KCNMA1: variants seen among roughly 807,000 people sequenced by gnomAD.
KCNMA1 encodes the protein potassium calcium-activated channel subfamily M alpha 1.
Under a neutral mutation model 140.0 loss-of-function variants are expected in KCNMA1, and 29 were observed. The observed-to-expected ratio is 0.21, with a 90% confidence interval of 0.15 to 0.28. The LOEUF (loss-of-function observed/expected upper bound fraction) is 0.28. KCNMA1 is among the 10% of genes least tolerant of loss of function. The pLI is 1.00. For synonymous variants in KCNMA1, 612 were observed against 611.9 expected, an observed-to-expected ratio of 1.00 and a Z score of 0.00; for missense variants, 880 against 1,602.2, an observed-to-expected ratio of 0.55 and a Z score of 7.70.
chr10:77,265,266 G>A (rs1221349905), intron 2 of KCNMA1, among the ~76,000 whole-genome samples: 1 of 152,060 alleles, frequency 6.6e-6, no homozygotes, highest in Non-Finnish European at 1.5e-5. Context: ...TGGCCAAGCT[G>A]GTCTCAAACT....
chr10:77,115,435 G>A (rs1398121059), intron 6 of KCNMA1, among the ~76,000 whole-genome samples: 1 of 152,176 alleles, frequency 6.6e-6, no homozygotes, highest in Non-Finnish European at 1.5e-5. Flanking sequence ...ACATTGGAGG[G>A]TAAGAAATAG....
chr10:77,173,044 A>C (rs918832263), intron 5 of KCNMA1, among the ~76,000 whole-genome samples: 1 of 152,164 alleles, frequency 6.6e-6, no homozygotes, highest in Admixed American at 6.5e-5. Context: ...TTGGGATTTC[A>C]TTTCAACACA....
intron 1 of KCNMA1, among the ~76,000 whole-genome samples, chr10:77,460,536 C>A (rs535368203): frequency 6.8e-6 from 1 of 147,588 alleles, no homozygotes; most frequent in Non-Finnish European, 1.5e-5. Context: ...CACGTGCACA[C>A]ACACACACAC....
intron 2 of KCNMA1, among the ~76,000 whole-genome samples, chr10:77,389,144 G>A (rs1471797816): frequency 6.6e-6 from 1 of 152,118 alleles, no homozygotes; most frequent in East Asian, 1.9e-4. Context: ...TAACCTACAA[G>A]GAATTTTCAT....
chr10:77,415,435 C>G (rs985123321), intron 1 of KCNMA1, among the ~76,000 whole-genome samples: 1 of 152,188 alleles, frequency 6.6e-6, no homozygotes, highest in Admixed American at 6.5e-5. Flanking sequence ...GGAGACTCAG[C>G]TGCCAGTCTG....
At chr10:77,028,164 T>C (rs909055061) in intron 15 of KCNMA1, among the ~76,000 whole-genome samples, 16 of 152,270 alleles carry the variant, frequency 1.1e-4, no homozygotes, top group African/African-American at 3.8e-4. Flanking sequence ...CAGGAATTTG[T>C]GCCTGGGGAT....
At chr10:77,203,259 G>A (rs35436730) in intron 3 of KCNMA1, among the ~76,000 whole-genome samples, 23,206 of 152,180 alleles carry the variant, frequency 0.15, 2,200 homozygotes, top group Non-Finnish European at 0.2. Flanking sequence ...TTTTGTAACA[G>A]TGGAAGACAG....
intron 5 of KCNMA1, among the ~76,000 whole-genome samples, chr10:77,126,857 C>A (rs1018774848): frequency 1.3e-5 from 2 of 152,044 alleles, no homozygotes; most frequent in African/African-American, 4.8e-5. Flanking sequence ...AGCCTGAGTT[C>A]TCCACCCTTA....
chr10:77,502,090 C>T (rs758595543), intron 1 of KCNMA1, among the ~76,000 whole-genome samples: 4 of 152,114 alleles, frequency 2.6e-5, no homozygotes, highest in Non-Finnish European at 5.9e-5. Flanking sequence ...CAAGGTCACA[C>T]AACATAAAAA....
chr10:77,487,508 C>A (rs1039819601), intron 1 of KCNMA1, among the ~76,000 whole-genome samples: 2 of 152,120 alleles, frequency 1.3e-5, no homozygotes, highest in Non-Finnish European at 2.9e-5. Flanking sequence ...CAAAGGGATA[C>A]CCCCAACAAC....
intron 2 of KCNMA1, among the ~76,000 whole-genome samples, chr10:77,349,614 A>T (rs1466708067): frequency 6.6e-6 from 1 of 152,162 alleles, no homozygotes; most frequent in Non-Finnish European, 1.5e-5. Flanking sequence ...TCTCCCCTAT[A>T]AGAAACTTAT....
At chr10:77,481,751 G>T (rs2098399962) in intron 1 of KCNMA1, among the ~76,000 whole-genome samples, 1 of 146,694 alleles carries the variant, frequency 6.8e-6, no homozygotes, top group African/African-American at 2.5e-5. Context: ...CTGTAGCCTG[G>T]GCAACAGAGA....
intron 1 of KCNMA1, among the ~76,000 whole-genome samples, chr10:77,438,053 G>A (rs1035976010): frequency 6.6e-6 from 1 of 151,982 alleles, no homozygotes; most frequent in Non-Finnish European, 1.5e-5. Flanking sequence ...TTAAATGTTT[G>A]GTTTAATTTT....
At chr10:77,053,821 A>T (rs2095453846) in intron 14 of KCNMA1, among the ~76,000 whole-genome samples, 1 of 152,234 alleles carries the variant, frequency 6.6e-6, no homozygotes, top group African/African-American at 2.4e-5. Flanking sequence ...ACTGAGGGGT[A>T]GGTGCTTTCA....
chr10:77,599,518 C>T (rs1007090013), intron 1 of KCNMA1, among the ~76,000 whole-genome samples: 2 of 152,076 alleles, frequency 1.3e-5, no homozygotes, highest in South Asian at 4.2e-4. Context: ...TGATAGTGGG[C>T]GTTCTTGTCT....
intron 2 of KCNMA1, among the ~76,000 whole-genome samples, chr10:77,318,858 T>C (rs2081569876): frequency 1.3e-5 from 2 of 152,194 alleles, no homozygotes; most frequent in South Asian, 4.1e-4. Context: ...CAAGATTGGA[T>C]GCAGAACTAG....
At chr10:77,329,757 T>A (rs1379387273) in intron 2 of KCNMA1, among the ~76,000 whole-genome samples, 1 of 152,204 alleles carries the variant, frequency 6.6e-6, no homozygotes, top group Non-Finnish European at 1.5e-5. Context: ...GGCTCTGAGA[T>A]TTCAATCCTA....
At chr10:77,611,290 T>A (rs1336240904) in intron 1 of KCNMA1, among the ~76,000 whole-genome samples, 1 of 152,222 alleles carries the variant, frequency 6.6e-6, no homozygotes, top group Non-Finnish European at 1.5e-5. Context: ...ATTTATTTCC[T>A]GACAAGGTTG....
At chr10:76,895,269 C>T (rs942811819) in intron 25 of KCNMA1, among the ~76,000 whole-genome samples, 2 of 152,196 alleles carry the variant, frequency 1.3e-5, no homozygotes, top group African/African-American at 4.8e-5. Context: ...AGACAGGAGT[C>T]TTGCCAATGC....
Sources: gnomAD v4.1 joint callset for allele counts (sites outside exome capture counted in the v4.1 genomes callset) on GRCh38, gnomAD v4.1.1 for gene constraint, MANE v1.5 for transcripts, NCBI Gene and HGNC (gene_info 2026-07-23, HGNC 2026-07-21) for gene names.